ARMC2: variants seen among roughly 807,000 people sequenced by gnomAD.
ARMC2 encodes the protein armadillo repeat-containing protein 2.
In ARMC2, 67 loss-of-function variants were observed where a neutral mutation model predicts 90.3. The observed-to-expected ratio is 0.74, with a 90% CI of 0.61 to 0.91. The LOEUF is 0.91. ARMC2 is among the 40% of genes least tolerant of loss of function. The pLI is 0.00. For synonymous variants in ARMC2, 393 were observed against 393.0 expected (o/e 1.00, Z 0.00); for missense variants, 920 against 1,030.9 (o/e 0.89, Z 1.47).
chr6:108,859,743 G>A (rs191238457), intron 3 of ARMC2, among the ~76,000 whole-genome samples: 53 of 152,070 alleles, frequency 3.5e-4, no homozygotes, highest in Admixed American at 9.8e-4. Flanking sequence ...GGTGGCTCAC[G>A]CCTGTAATCC....
chr6:108,968,587 A>G (rs1181942806), intron 17 of ARMC2, among the ~76,000 whole-genome samples: 1 of 152,132 alleles, frequency 6.6e-6, no homozygotes, highest in African/African-American at 2.4e-5. Flanking sequence ...CTGACTTCTG[A>G]CCGGGTCGTG....
chr6:108,914,163 T>A (rs1439772376), intron 10 of ARMC2, among the ~76,000 whole-genome samples: 2 of 152,104 alleles, frequency 1.3e-5, no homozygotes, highest in Non-Finnish European at 2.9e-5. Flanking sequence ...TATGTCTGTG[T>A]GTGTGTATGT....
chr6:108,911,827 G>T (rs1773466937), intron 9 of ARMC2, among the ~76,000 whole-genome samples: 1 of 152,132 alleles, frequency 6.6e-6, no homozygotes, highest in South Asian at 2.1e-4. Context: ...GTAGTGGTAT[G>T]TTATTTGAAT....
At chr6:108,901,364 C>G (rs977459524) in intron 7 of ARMC2, among the ~76,000 whole-genome samples, 10 of 150,846 alleles carry the variant, frequency 6.6e-5, no homozygotes, top group African/African-American at 2.4e-4. Flanking sequence ...ATCCACCTGC[C>G]TTGGCCTCCC....
At chr6:109,009,406 C>G in the ARMC2 span, 1 of 1,459,164 alleles carries the variant, frequency 6.9e-7, no homozygotes, top group Non-Finnish European at 9.0e-7. Flanking sequence ...CCCAGCAGCC[C>G]CGAGACCGCC....
chr6:108,987,765 G>T, the ARMC2 span: 3 of 452,984 alleles, frequency 6.6e-6, no homozygotes, highest in South Asian at 4.1e-5. Flanking sequence ...TTAGCCTTGG[G>T]TTTGTTGAAC....
At chr6:108,970,220 T>C (rs936812016) in intron 17 of ARMC2, among the ~76,000 whole-genome samples, 1 of 152,208 alleles carries the variant, frequency 6.6e-6, no homozygotes, top group Admixed American at 6.5e-5. Flanking sequence ...ATTCTTGTTA[T>C]CTTGTCTAAC....
chr6:108,985,409 C>T, the ARMC2 span, among the ~76,000 whole-genome samples: 5 of 152,010 alleles, frequency 3.3e-5, no homozygotes, highest in African/African-American at 9.7e-5. Context: ...ATGTACCTTC[C>T]CTAATTATTT....
the ARMC2 span, among the ~76,000 whole-genome samples, chr6:109,015,722 C>T: frequency 1.5e-3 from 226 of 152,024 alleles, no homozygotes; most frequent in African/African-American, 5.2e-3. Context: ...TGTTGCTAGG[C>T]GCTACTGAAG....
rs1778930507 is a variant in ARMC2, at chr6:108,974,181, T to C, written c.*667T>C. 6.6e-6 allele frequency: 1 copy of C among 152,234 alleles called. No homozygotes were observed. The allele number at this position is 152,234 out of a possible 1,614,324, so 9.4% of individuals were successfully genotyped here. On this transcript the variant is annotated 3_prime_UTR_variant, in exon 18 of 18. Coordinates refer to ENST00000392644, the MANE Select transcript of ARMC2 (RefSeq NM_032131.6). Reference sequence around the variant, plus strand: ...GTGTTTGACAGGTGAGGTAATGTATTAGAAAGAATGCAGGCTTAGGTGAAT... The same window carrying C: ...GTGTTTGACAGGTGAGGTAATGTATCAGAAAGAATGCAGGCTTAGGTGAAT...
chr6:108,941,487 T>C (rs981775471), intron 12 of ARMC2, among the ~76,000 whole-genome samples: 1 of 152,230 alleles, frequency 6.6e-6, no homozygotes, highest in Non-Finnish European at 1.5e-5. Flanking sequence ...GGGCATTGTT[T>C]AATGACCCAA....
intron 8 of ARMC2, among the ~76,000 whole-genome samples, chr6:108,909,046 G>A (rs1315280640): frequency 6.6e-6 from 1 of 152,132 alleles, no homozygotes; most frequent in Admixed American, 6.5e-5. Flanking sequence ...CTCTAAGCTG[G>A]GGAAGAAGAG....
rs61450785 is a variant in ARMC2 at position 108,867,191 on chromosome 6, T to C, written c.292-1633T>C. On this transcript the variant is annotated intron_variant, in intron 3 of 17. Transcript: ENST00000392644. ...ATAAGGTTGTTCTTTCATAGGCAAA[T>C]AACTGTGCTGACATTGGAGGCAGGA... Among the ~76,000 whole-genome samples the C allele has an allele frequency of 3.7e-3, 568 of 152,278 alleles. 9 individuals carry two copies. The East Asian group carries it at 0.068, about 18-fold the overall frequency.
chr6:108,910,737 T>C (rs1773337320), intron 8 of ARMC2, among the ~76,000 whole-genome samples, 162 bp from the exon 9 acceptor site: 1 of 152,238 alleles, frequency 6.6e-6, no homozygotes, highest in African/African-American at 2.4e-5. Flanking sequence ...GATACCACAA[T>C]TGGCAAATAT....
In ARMC2 at chr6:108,910,387, T is replaced by A. The variant is rs186177132; in HGVS notation, c.1024-512T>A. On this transcript the variant is annotated intron_variant, in intron 8 of 17. Coordinates refer to ENST00000392644, the MANE Select transcript of ARMC2 (RefSeq NM_032131.6). ...AAGAGAGTTGATTGAGCGCACGTGG[T>A]CAAGGCTGCAGTGAGCTGTGATGGC... is the stretch of plus-strand genomic sequence containing the variant. Among the ~76,000 whole-genome samples, 51 of 152,230 alleles carry A rather than the reference T, an allele frequency of 3.4e-4. No homozygotes were observed. In the Middle Eastern group the frequency reaches 0.014, roughly 41 times the overall value.
chr6:109,018,591 C>G, the ARMC2 span, among the ~76,000 whole-genome samples: 1 of 152,168 alleles, frequency 6.6e-6, no homozygotes, highest in African/African-American at 2.4e-5. Context: ...CACATCCCAT[C>G]ATGATTCCTT....
Position 108,953,248 on chromosome 6 carries a change from C to T in ARMC2, c.1812C>T (p.Leu604=), listed in dbSNP as rs1478681112. ...CGCCGTCAGAGGCAGAGGACGTGCTCATCAAGCTGACTCGTGTGCTGGCCA... is the reference window on the plus strand; with the variant it reads ...CGCCGTCAGAGGCAGAGGACGTGCTTATCAAGCTGACTCGTGTGCTGGCCA... ...QRPPSEAEDV[L]IKLTRVLANI... Residue 604 remains leucine, a synonymous_variant, in exon 13 of 18, where the codon CTC becomes CTT. Transcript: ENST00000392644. 6.2e-7 allele frequency: 1 copy of T among 1,613,630 alleles called. No homozygotes were observed. Among genetic ancestry groups the T allele is most frequent in the Non-Finnish European group, 8.5e-7 (1 of 1,179,898 alleles).
the ARMC2 span, chr6:108,988,614 C>T: frequency 6.2e-7 from 1 of 1,613,102 alleles, no homozygotes; most frequent in Non-Finnish European, 8.5e-7. Context: ...GGAGTGCAAA[C>T]AACAGTTTTG....
the ARMC2 span, chr6:109,002,396 T>G: frequency 6.9e-7 from 1 of 1,444,498 alleles, no homozygotes; most frequent in Non-Finnish European, 9.7e-7. Flanking sequence ...CAAAATGAAC[T>G]GAGGCTAAAG....
Sources: allele counts gnomAD v4.1 joint callset (sites outside exome capture counted in the v4.1 genomes callset), GRCh38; gene constraint gnomAD v4.1.1; transcripts MANE v1.5; gene names NCBI Gene and HGNC (gene_info 2026-07-23, HGNC 2026-07-21).